Variants in E2F3 observed in about 807,000 individuals in gnomAD.
E2F3 encodes the protein E2F transcription factor 3.
In E2F3, 11 loss-of-function variants were observed where a neutral mutation model predicts 44.4. The observed-to-expected ratio is 0.25, with a 90% CI of 0.16 to 0.41. The LOEUF (loss-of-function observed/expected upper bound fraction) is 0.41. E2F3 is among the 10% of genes least tolerant of loss of function. The pLI is 1.00. For missense variants in E2F3, 487 were observed against 583.6 expected (o/e 0.83, Z 1.70); for synonymous variants, 249 against 253.0 (o/e 0.98, Z 0.15).
At chr6:20,480,533 T>G (rs1482907590) in intron 2 of E2F3, among the ~76,000 whole-genome samples, 2 of 152,236 alleles carry the variant, frequency 1.3e-5, no homozygotes, top group African/African-American at 4.8e-5. Flanking sequence ...CTCTCTTCCT[T>G]TAGTTCATGC....
chr6:20,419,487 T>C (rs1389955989), intron 1 of E2F3, among the ~76,000 whole-genome samples: 1 of 152,328 alleles, frequency 6.6e-6, no homozygotes, highest in East Asian at 1.9e-4. Flanking sequence ...CTAGGTAACA[T>C]TAGTCTTTTT....
At chr6:20,448,512 A>G (rs1039759835) in intron 1 of E2F3, among the ~76,000 whole-genome samples, 3 of 152,192 alleles carry the variant, frequency 2.0e-5, no homozygotes, top group Admixed American at 6.5e-5. Context: ...TTTGTAAAAT[A>G]TGATTTTTTT....
intron 1 of E2F3, among the ~76,000 whole-genome samples, chr6:20,425,659 A>G (rs1235736773): frequency 6.6e-6 from 1 of 152,104 alleles, no homozygotes; most frequent in South Asian, 2.1e-4. Context: ...CGGCCTCCCA[A>G]AGTGCTGGGA....
chr6:20,479,640 C>T (rs909107665), intron 1 of E2F3, among the ~76,000 whole-genome samples: 2 of 152,220 alleles, frequency 1.3e-5, no homozygotes, highest in Non-Finnish European at 2.9e-5. Context: ...CGGATGATCA[C>T]GGCAGGTGAA....
Position 20,402,086 on chromosome 6 carries a change from T to C in E2F3, c.-147T>C. 7.4e-7 allele frequency: 1 copy of C among 1,351,736 alleles called. No individual in the cohort carries two copies. The highest frequency in any genetic ancestry group is 1.6e-5 in the African/African-American group (1 of 64,374). The allele number at this position is 1,351,736 out of a possible 1,614,324, so 83.7% of individuals were successfully genotyped here. A position where few individuals can be genotyped will look rare whatever the true frequency, so the allele number is the denominator to read the frequency against. ...CCGGGGCCTGTGCGGTGCGGAAAAATAAAAAGAAAAGAGAGAGAGGGGGCT... is the reference window on the plus strand; with the variant it reads ...CCGGGGCCTGTGCGGTGCGGAAAAACAAAAAGAAAAGAGAGAGAGGGGGCT... On this transcript the variant is annotated 5_prime_UTR_variant, in exon 1 of 7. Coordinates refer to ENST00000346618, the MANE Select transcript of E2F3 (RefSeq NM_001949.5). This position sits in a 1 kb window ranked among gnomAD's most constrained non-coding sequence, Gnocchi z 5.6.
chr6:20,466,174 G>T (rs1171477399), intron 1 of E2F3, among the ~76,000 whole-genome samples: 3 of 152,046 alleles, frequency 2.0e-5, no homozygotes, highest in African/African-American at 7.2e-5. Context: ...GTGCAGTGTC[G>T]TGATGTCAGC....
At chr6:20,459,227 G>T (rs555544388) in intron 1 of E2F3, among the ~76,000 whole-genome samples, 1 of 152,168 alleles carries the variant, frequency 6.6e-6, no homozygotes, top group South Asian at 2.1e-4. Flanking sequence ...AGCCAACATC[G>T]TGCCACTGCA....
intron 1 of E2F3, among the ~76,000 whole-genome samples, chr6:20,462,394 G>A (rs752585450): frequency 2.6e-5 from 4 of 151,238 alleles, no homozygotes; most frequent in Admixed American, 6.6e-5. Flanking sequence ...GCTGTGTCTC[G>A]GTTTTCTATA....
chr6:20,449,272 T>G (rs1761048680), intron 1 of E2F3, among the ~76,000 whole-genome samples: 1 of 152,230 alleles, frequency 6.6e-6, no homozygotes, highest in Non-Finnish European at 1.5e-5. Flanking sequence ...CCATCTACTC[T>G]GCCTGCCTAC....
At chr6:20,422,879 A>G (rs1760074352) in intron 1 of E2F3, among the ~76,000 whole-genome samples, 1 of 152,254 alleles carries the variant, frequency 6.6e-6, no homozygotes, top group Admixed American at 6.5e-5. Context: ...CATAATAGTA[A>G]TGAAAAAGTT....
At chr6:20,474,501 G>T (rs1761985951) in intron 1 of E2F3, among the ~76,000 whole-genome samples, 1 of 152,092 alleles carries the variant, frequency 6.6e-6, no homozygotes, top group Admixed American at 6.6e-5. Context: ...CTGTTTTACT[G>T]GTAGGGGCCA....
At chr6:20,468,602 A>G (rs975680329) in intron 1 of E2F3, among the ~76,000 whole-genome samples, 1 of 152,170 alleles carries the variant, frequency 6.6e-6, no homozygotes, top group Non-Finnish European at 1.5e-5. Context: ...ATCACTGGCC[A>G]TTGGGGATCA....
intron 1 of E2F3, among the ~76,000 whole-genome samples, chr6:20,408,061 T>G (rs1759548216): frequency 6.6e-6 from 1 of 152,240 alleles, no homozygotes; most frequent in South Asian, 2.1e-4. Flanking sequence ...TCATTCTTGT[T>G]AGCAGTTTAA....
Position 20,492,731 on chromosome 6 carries a change from C to T in E2F3, c.*2301C>T. 4.3e-6 allele frequency: 1 copy of T among 231,166 alleles called. No individual in the cohort carries two copies. Among genetic ancestry groups the T allele is most frequent in the Non-Finnish European group, 8.6e-6 (1 of 116,480 alleles). The allele number at this position is 231,166 out of a possible 1,614,324, so 14.3% of individuals were successfully genotyped here. A position where few individuals can be genotyped will look rare whatever the true frequency, so the allele number is the denominator to read the frequency against. ...GAATACTAATAAGTCTTAAAAGTTCCTTCATGCATAAGATTTTTTTCCAGT... is the reference window on the plus strand; with the variant it reads ...GAATACTAATAAGTCTTAAAAGTTCTTTCATGCATAAGATTTTTTTCCAGT... On this transcript the variant is annotated 3_prime_UTR_variant, in exon 7 of 7. Coordinates refer to ENST00000346618, the MANE Select transcript of E2F3 (RefSeq NM_001949.5).
chr6:20,407,831 A>C (rs1439505124), intron 1 of E2F3, among the ~76,000 whole-genome samples: 1 of 152,188 alleles, frequency 6.6e-6, no homozygotes, highest in Non-Finnish European at 1.5e-5. Context: ...TTAGTCATCT[A>C]CTTCCTACTA....
intron 1 of E2F3, among the ~76,000 whole-genome samples, chr6:20,472,583 C>T (rs889607395): frequency 6.6e-6 from 1 of 152,064 alleles, no homozygotes; most frequent in Non-Finnish European, 1.5e-5. Flanking sequence ...GGGAGGCTTG[C>T]TTGAGCCAGG....
chr6:20,490,436 C>A lies in E2F3; in HGVS notation c.*6C>A. 6.4e-7 allele frequency: 1 copy of A among 1,553,758 alleles called. No homozygotes were observed. The highest frequency in any genetic ancestry group is 1.2e-5 in the South Asian group (1 of 80,890). On this transcript the variant is annotated 3_prime_UTR_variant, in exon 7 of 7. Coordinates refer to ENST00000346618, the MANE Select transcript of E2F3 (RefSeq NM_001949.5). This position sits in a 1 kb window ranked among gnomAD's most constrained non-coding sequence, Gnocchi z 4.3. ...AAGACTTCATGTGTAGTTGATTATG[C>A]TTCGTGTGAACTCTCCTTAAAAACC...
rs1464294161 is a variant in E2F3, at chr6:20,405,592, A to AG, written c.393+2973dup. Among the ~76,000 whole-genome samples the AG allele has an allele frequency of 1.9e-4, 29 of 152,278 alleles. No homozygotes were observed. The South Asian group carries it at 5.0e-3, about 26-fold the overall frequency. Reference sequence around the variant, plus strand: ...GTAATCCCGGTACTTTGGGAAGCCGAGGGGGGCGGATCACGCGGTCAAGAG... The same window carrying AG: ...GTAATCCCGGTACTTTGGGAAGCCGAGGGGGGGCGGATCACGCGGTCAAGAG... On this transcript the variant is annotated intron_variant, in intron 1 of 6. Coordinates refer to ENST00000346618, the MANE Select transcript of E2F3 (RefSeq NM_001949.5).
chr6:20,411,580 G>A (rs910588898), intron 1 of E2F3, among the ~76,000 whole-genome samples: 3 of 152,088 alleles, frequency 2.0e-5, no homozygotes, highest in Non-Finnish European at 2.9e-5. Context: ...TTGCCTTTTC[G>A]GTCTTGCTTC....
Sources: gnomAD v4.1 joint callset for allele counts (sites outside exome capture counted in the v4.1 genomes callset) on GRCh38, gnomAD v4.1.1 for gene constraint, Gnocchi (gnomAD v3.1) non-coding constraint, MANE v1.5 for transcripts, NCBI Gene and HGNC (gene_info 2026-07-23, HGNC 2026-07-21) for gene names.